Variants in UBE3D observed in about 807,000 individuals in gnomAD.
UBE3D encodes E3 ubiquitin-protein ligase E3D.
Under a neutral mutation model 49.6 loss-of-function variants are expected in UBE3D, and 48 were observed. The observed-to-expected ratio is 0.97, with a 90% CI of 0.77 to 1.23. The LOEUF is 1.23. UBE3D is among the 50% of genes most tolerant of loss of function. The pLI, the probability that UBE3D is intolerant of heterozygous loss-of-function variation, is 0.00. For missense variants in UBE3D, 452 were observed against 468.4 expected (o/e 0.96, Z 0.32); for synonymous variants, 189 against 174.2 (o/e 1.08, Z -0.67).
chr6:82,915,076 T>A (rs1467822741), intron 9 of UBE3D, among the ~76,000 whole-genome samples: 1 of 152,152 alleles, frequency 6.6e-6, no homozygotes, highest in Non-Finnish European at 1.5e-5. Flanking sequence ...AATAAAGAGT[T>A]GAGGGCATAT....
chr6:82,946,050 C>T (rs537465466), intron 9 of UBE3D, among the ~76,000 whole-genome samples: 4 of 152,000 alleles, frequency 2.6e-5, no homozygotes, highest in African/African-American at 7.2e-5. Context: ...AGTTACAGGC[C>T]TTAAAGAGGA....
chr6:82,896,893 C>T (rs1006431061), intron 9 of UBE3D, among the ~76,000 whole-genome samples: 3 of 151,918 alleles, frequency 2.0e-5, no homozygotes, highest in African/African-American at 7.3e-5. Context: ...AGGCGCATGC[C>T]ACCATGCCGG....
At chr6:83,018,013 G>A (rs1165704796) in intron 8 of UBE3D, 3 of 152,082 alleles carry the variant, frequency 2.0e-5, no homozygotes, top group African/African-American at 7.2e-5. Flanking sequence ...TGGAAGAGTA[G>A]ACAACAAACG....
At chr6:82,931,252 A>G (rs1350939957) in intron 9 of UBE3D, among the ~76,000 whole-genome samples, 1 of 152,250 alleles carries the variant, frequency 6.6e-6, no homozygotes, top group Non-Finnish European at 1.5e-5. Context: ...TCCAGGCAGA[A>G]GTTTGCTGCA....
Position 82,984,815 on chromosome 6 carries a change from T to TA in UBE3D, c.1011-27366dup, listed in dbSNP as rs754200479. Among the ~76,000 whole-genome samples, 15 of 152,050 alleles carry TA rather than the reference T, an allele frequency of 9.9e-5. No homozygotes were observed. In the East Asian group the frequency reaches 2.1e-3, roughly 22 times the overall value. ...ATTATAAAGAGTTTTTCATTGTTGT[T>TA]ATGTTTATTTATTTAGATACAGGGT... On this transcript the variant is annotated intron_variant, in intron 8 of 9. Transcript: ENST00000369747.
At chr6:82,948,346 A>T (rs1432295615) in intron 9 of UBE3D, among the ~76,000 whole-genome samples, 1 of 151,866 alleles carries the variant, frequency 6.6e-6, no homozygotes, top group African/African-American at 2.4e-5. Flanking sequence ...CCCTGAACAG[A>T]CCAAATGAGA....
In UBE3D at chr6:83,034,081, T is replaced by C. The variant is rs568370408; in HGVS notation, c.667+4335A>G. Among the ~76,000 whole-genome samples the C allele has an allele frequency of 2.6e-5, 4 of 152,360 alleles. No individual in the cohort carries two copies. In the East Asian group the frequency reaches 7.7e-4, roughly 29 times the overall value. ...TTGTTCATTTTCTAGTGCCCTAATA[T>C]GGTTCTTATTAATTTTTAAAATTGT... On this transcript the variant is annotated intron_variant, in intron 5 of 9. Coordinates refer to ENST00000369747, the MANE Select transcript of UBE3D (RefSeq NM_198920.3).
chr6:83,036,484 C>T (rs915459731), intron 5 of UBE3D: 1 of 151,596 alleles, frequency 6.6e-6, no homozygotes, highest in African/African-American at 2.4e-5. Context: ...TCTTCAAGGG[C>T]ATTTTTTTTT....
At chr6:82,907,412 G>A (rs935528090) in intron 9 of UBE3D, among the ~76,000 whole-genome samples, 1 of 152,146 alleles carries the variant, frequency 6.6e-6, no homozygotes, top group African/African-American at 2.4e-5. Context: ...GTTTCACAGT[G>A]GTTTTTATAA....
chr6:83,020,339 CTG>C (rs1176110006), intron 7 of UBE3D, among the ~76,000 whole-genome samples: 434 of 81,644 alleles, frequency 5.3e-3, no homozygotes, highest in South Asian at 9.8e-3. Context: ...TCATGTGATA[CTG>C]TTTTTTTTTT....
At chr6:82,926,504 A>G (rs971835410) in intron 9 of UBE3D, among the ~76,000 whole-genome samples, 1 of 152,102 alleles carries the variant, frequency 6.6e-6, no homozygotes, top group Non-Finnish European at 1.5e-5. Flanking sequence ...TAAGTTTTCT[A>G]AGAAATTGCC....
Position 83,027,876 on chromosome 6 carries a change from C to T in UBE3D, c.668-3838G>A, listed in dbSNP as rs112003861. Reference sequence around the variant, plus strand: ...AATATTGCCCATGCTCCATTCTTTTCCTCCTGGAAGTCTGATTAAACATAC... The same window carrying T: ...AATATTGCCCATGCTCCATTCTTTTTCTCCTGGAAGTCTGATTAAACATAC... On this transcript the variant is annotated intron_variant, in intron 5 of 9. Transcript: ENST00000369747. Among the ~76,000 whole-genome samples the T allele has an allele frequency of 9.7e-3, 1,471 of 152,268 alleles. 22 individuals carry two copies. Among genetic ancestry groups the T allele is most frequent in the African/African-American group, 0.034 (1,394 of 41,536 alleles).
At chr6:83,027,502 G>A (rs928974899) in intron 5 of UBE3D, among the ~76,000 whole-genome samples, 10 of 130,414 alleles carry the variant, frequency 7.7e-5, no homozygotes, top group African/African-American at 2.8e-4. Context: ...AACCTAGTTT[G>A]TGTTTGTCAG....
At chr6:83,061,269 T>C (rs1384155917) in intron 1 of UBE3D, among the ~76,000 whole-genome samples, 1 of 152,194 alleles carries the variant, frequency 6.6e-6, no homozygotes, top group Non-Finnish European at 1.5e-5. Flanking sequence ...CTCTTCTAGA[T>C]TGAAACAGAC....
chr6:82,948,556 A>G (rs1480538927), intron 9 of UBE3D, among the ~76,000 whole-genome samples: 1 of 152,052 alleles, frequency 6.6e-6, no homozygotes, highest in Non-Finnish European at 1.5e-5. Context: ...ACAAAGACAC[A>G]TTAAAAAAAG....
chr6:82,950,205 A>T (rs1775687767), intron 9 of UBE3D, among the ~76,000 whole-genome samples: 1 of 152,236 alleles, frequency 6.6e-6, no homozygotes, highest in South Asian at 2.1e-4. Context: ...TGGGCAAAAG[A>T]TATGAGTAGA....
intron 8 of UBE3D, among the ~76,000 whole-genome samples, chr6:82,970,337 T>C (rs1777255104): frequency 6.6e-6 from 1 of 151,756 alleles, no homozygotes; most frequent in African/African-American, 2.4e-5. Flanking sequence ...CACAAATCTA[T>C]AAGGGTTTTA....
chr6:82,984,323 T>C (rs141020699), intron 8 of UBE3D, among the ~76,000 whole-genome samples: 6 of 152,336 alleles, frequency 3.9e-5, no homozygotes, highest in African/African-American at 1.2e-4. Flanking sequence ...GTTTGATTCA[T>C]TCATTCACTC....
intron 4 of UBE3D, among the ~76,000 whole-genome samples, chr6:83,040,575 T>C (rs1782604066): frequency 6.6e-6 from 1 of 152,166 alleles, no homozygotes; most frequent in Non-Finnish European, 1.5e-5. Flanking sequence ...ATGAATCCCT[T>C]CATACACTGA....
Sources: allele counts gnomAD v4.1 joint callset (sites outside exome capture counted in the v4.1 genomes callset), GRCh38; gene constraint gnomAD v4.1.1; transcripts MANE v1.5; gene names NCBI Gene and HGNC (gene_info 2026-07-23, HGNC 2026-07-21).